AARS1: variants seen among roughly 807,000 people sequenced by gnomAD.
The protein encoded by AARS1 is alanine--tRNA ligase, cytoplasmic.
AARS1 carries 72 observed loss-of-function variants against 108.9 expected under a neutral mutation model. That is an observed-to-expected ratio of 0.66 (90% CI 0.55 to 0.80). AARS1 has a LOEUF of 0.80. Ranked by LOEUF, AARS1 falls within the 30% of genes least tolerant of loss-of-function variation. The probability of loss-of-function intolerance (pLI) is 0.00; values close to 1 mark genes in which losing one functional copy is unlikely to be tolerated. For missense variants in AARS1, 1,193 were observed against 1,233.2 expected (o/e 0.97, Z 0.49); for synonymous variants, 489 against 465.7 (o/e 1.05, Z -0.64).
At position 70,258,121 on chromosome 16, in the gene AARS1, C is replaced by T. The variant is rs368191672; in HGVS notation, c.2089G>A (p.Val697Ile). The stretch of plus-strand genomic sequence containing the variant: ...TCGGACACCGGGACCCCAATGGAGA[C>T]GACTCGCACAGGGTCAGGATAGGTC... ...DETYPDPVRV[V>I]SIGVPVSELL... Residue 697 changes from valine (V) to isoleucine (I), a missense_variant, in exon 15 of 21, where the codon GTC becomes ATC. Transcript: ENST00000261772. 18 of 1,613,542 alleles carry T rather than the reference C, an allele frequency of 1.1e-5. No homozygotes were observed. The highest frequency in any genetic ancestry group is 2.2e-5 in the South Asian group (2 of 90,976).
At chr16:70,282,909 A>T (rs1396749631) in intron 1 of AARS1, 125 bp from the exon 2 acceptor site, 2 of 903,682 alleles carry the variant, frequency 2.2e-6, no homozygotes, top group African/African-American at 1.6e-5. Context: ...TGATCCTAAA[A>T]CCTCTATGTT....
chr16:70,260,123 A>G (rs111421609), intron 13 of AARS1, among the ~76,000 whole-genome samples: 40 of 152,336 alleles, frequency 2.6e-4, no homozygotes, highest in African/African-American at 8.4e-4. Flanking sequence ...CATATGGTCA[A>G]TGGCTGCTTG....
intron 19 of AARS1, 106 bp from the exon 20 acceptor site, chr16:70,253,487 A>G: frequency 9.1e-7 from 1 of 1,102,518 alleles, no homozygotes; most frequent in Non-Finnish European, 1.4e-6. Context: ...ACCCCTTCCC[A>G]GAGCAGGGGC....
At chr16:70,285,138 AGAATCGCTT>A (rs752607270) in intron 1 of AARS1, among the ~76,000 whole-genome samples, 79 of 152,032 alleles carry the variant, frequency 5.2e-4, no homozygotes, top group Non-Finnish European at 9.3e-4. Flanking sequence ...CTGAGATGGG[AGAATCGCTT>A]GAACCTGGGA....
At position 70,255,791 on chromosome 16, in the gene AARS1, C is replaced by A; in HGVS notation, c.2223G>T (p.Thr741=). 1 of 1,614,206 alleles carries A rather than the reference C, an allele frequency of 6.2e-7. No homozygotes were observed. Among genetic ancestry groups the A allele is most frequent in the Non-Finnish European group, 8.5e-7 (1 of 1,180,036 alleles). Residue 741 remains threonine, a synonymous_variant, in exon 16 of 21, where the codon ACG becomes ACT. Transcript: ENST00000261772. ...GGATACCCTTGGCAATGGCTTCTTC[C>A]GTCACGATCACAAAAGCTCCTGCAT... The part of the protein sequence containing the change: ...SSHAGAFVIV[T]EEAIAKGIRR...
chr16:70,262,751 G>A (rs558278353), intron 11 of AARS1, among the ~76,000 whole-genome samples: 2 of 151,714 alleles, frequency 1.3e-5, no homozygotes, highest in South Asian at 2.1e-4. Context: ...GGCGGATCAC[G>A]GGGTCAAGAG....
At chr16:70,273,586 G>A (rs1385935050) in intron 4 of AARS1, among the ~76,000 whole-genome samples, 1 of 152,040 alleles carries the variant, frequency 6.6e-6, no homozygotes, top group Non-Finnish European at 1.5e-5. Flanking sequence ...GACAGGGCCG[G>A]GCGCAGTGGC....
intron 2 of AARS1, among the ~76,000 whole-genome samples, chr16:70,278,993 GAC>G (rs1331075466): frequency 6.6e-6 from 1 of 152,154 alleles, no homozygotes; most frequent in Non-Finnish European, 1.5e-5. Flanking sequence ...GTACGCGAAG[GAC>G]ACAGAGCAGC....
At chr16:70,253,183 G>A in intron 20 of AARS1, 85 bp downstream of exon 20, 1 of 1,202,462 alleles carries the variant, frequency 8.3e-7, no homozygotes, top group Non-Finnish European at 1.2e-6. Context: ...CAGAAAGGCT[G>A]TTTCGAATGC....
chr16:70,272,506 C>CAA (rs34129241), intron 4 of AARS1, among the ~76,000 whole-genome samples: 221 of 17,016 alleles, frequency 0.013, 32 homozygotes, highest in East Asian at 0.13. Flanking sequence ...AACTCCATCT[C>CAA]AAAAAAAAAA....
rs1204530358 is a variant in AARS1 at position 70,276,613 on chromosome 16, C to G, written c.352G>C (p.Ala118Pro). ...AACTCTTGGGTGAGGAGTTCCAGAG[C>G]CATCTTACATGCCAATTCCTACAAA... is the stretch of plus-strand genomic sequence containing the variant. ...DYFKELACKM[A>P]LELLTQEFGI... The change falls in exon 4 of 21, where the codon GCT (alanine) becomes CCT (proline). Residue 118 changes from alanine to proline, a missense_variant. Physicochemically the swap from Ala to Pro is conservative, Grantham distance 27. Transcript: ENST00000261772. The G allele has an allele frequency of 2.5e-6, 4 of 1,613,902 alleles. No homozygotes were observed. Among genetic ancestry groups the G allele is most frequent in the East Asian group, 2.2e-5 (1 of 44,884 alleles).
At chr16:70,280,832 T>C (rs1195042947) in intron 2 of AARS1, among the ~76,000 whole-genome samples, 1 of 152,166 alleles carries the variant, frequency 6.6e-6, no homozygotes, top group African/African-American at 2.4e-5. Flanking sequence ...TCTTTTTCTT[T>C]TCTTTCCTTT....
intron 5 of AARS1, 83 bp from the exon 6 acceptor site, chr16:70,270,423 C>T (rs1182287076): frequency 2.6e-6 from 4 of 1,566,932 alleles, no homozygotes; most frequent in South Asian, 1.1e-5. Flanking sequence ...AATTCATTTA[C>T]AGAACAGTTT....
chr16:70,279,216 G>T (rs966716266), intron 2 of AARS1, among the ~76,000 whole-genome samples: 4 of 150,184 alleles, frequency 2.7e-5, no homozygotes, highest in Non-Finnish European at 5.9e-5. Context: ...CAGGCATGGT[G>T]GGGGGGTGCC....
chr16:70,267,596 G>C, intron 9 of AARS1, 63 bp downstream of exon 9: 1 of 1,598,978 alleles, frequency 6.3e-7, no homozygotes, highest in Non-Finnish European at 8.6e-7. Context: ...CTGTCAGAAA[G>C]GGCTTGTCTT....
In AARS1 at chr16:70,276,691, G is replaced by A. The variant is rs1960560898; in HGVS notation, c.334-60C>T. ...TGCCAAACCAAAATCTATTTAGTAT[G>A]AGACCAGATGCTAGGAACACAGATA... On this transcript the variant is annotated intron_variant, in intron 3 of 20. Transcript: ENST00000261772. 5 of 1,549,520 alleles carry A rather than the reference G, an allele frequency of 3.2e-6. No homozygotes were observed. In the South Asian group the frequency reaches 5.6e-5, roughly 17 times the overall value.
chr16:70,271,627 A>G (rs1353015214), intron 5 of AARS1, among the ~76,000 whole-genome samples, 154 bp downstream of exon 5: 1 of 152,214 alleles, frequency 6.6e-6, no homozygotes, highest in African/African-American at 2.4e-5. Context: ...GGTTTAGTTC[A>G]TGAAAGAATA....
chr16:70,255,193 C>CTTTTTT (rs1567601605), intron 16 of AARS1, among the ~76,000 whole-genome samples: 2,144 of 124,280 alleles, frequency 0.017, 125 homozygotes, highest in African/African-American at 0.065. Context: ...GCCAGATTCA[C>CTTTTTT]ATTTTTTTTT....
chr16:70,286,362 A>ATTTTTTTTTTTTTTTTTTTTTTTTTTT (rs1000406265), intron 1 of AARS1, among the ~76,000 whole-genome samples: 1 of 117,106 alleles, frequency 8.5e-6, no homozygotes, highest in Non-Finnish European at 1.7e-5. Flanking sequence ...CTCCACAGGA[A>ATTTTTTTTTTTTTTTTTTTTTTTTTTT]TTTTTTTTTT....
Sources: gnomAD v4.1 joint callset for allele counts (sites outside exome capture counted in the v4.1 genomes callset) on GRCh38, gnomAD v4.1.1 for gene constraint, MANE v1.5 for transcripts, NCBI Gene and HGNC (gene_info 2026-07-23, HGNC 2026-07-21) for gene names.